POLA1: variants seen among roughly 807,000 people sequenced by gnomAD.
POLA1 encodes the protein DNA polymerase alpha 1, catalytic subunit.
A neutral mutation model predicts 124.0 loss-of-function variants in POLA1; 15 were observed. The ratio of observed to expected loss-of-function variants is 0.12; its 90% CI spans 0.08 to 0.19. The LOEUF (loss-of-function observed/expected upper bound fraction) is 0.19. Among genes scored for constraint, POLA1 ranks in the 10% least tolerant of loss-of-function variants. POLA1 has a pLI of 1.00. For missense variants in POLA1, 886 were observed against 1,103.4 expected (o/e 0.80, Z 2.79); for synonymous variants, 408 against 389.4 (o/e 1.05, Z -0.56).
intron 26 of POLA1, among the ~76,000 whole-genome samples, chrX:24,807,258 A>C (rs745804759): frequency 8.9e-6 from 1 of 112,385 alleles, no homozygotes; most frequent in East Asian, 2.8e-4. Context: ...TAAAAGGTTG[A>C]CAAACTGCTC....
chrX:24,790,933 A>ATG (rs1569312029), intron 26 of POLA1, among the ~76,000 whole-genome samples: 1 of 102,359 alleles, frequency 9.8e-6, no homozygotes, highest in African/African-American at 3.6e-5. Flanking sequence ...ATATATATAT[A>ATG]TATATATAAA....
intron 32 of POLA1, among the ~76,000 whole-genome samples, chrX:24,839,989 A>C (rs1286867543): frequency 8.9e-6 from 1 of 112,149 alleles, no homozygotes; most frequent in African/African-American, 3.2e-5. Context: ...GTATTCCCAC[A>C]TAATTCTCTA....
intron 26 of POLA1, among the ~76,000 whole-genome samples, chrX:24,769,942 C>A (rs1225072773): frequency 8.9e-6 from 1 of 111,783 alleles, no homozygotes; most frequent in African/African-American, 3.3e-5. Context: ...AAGTAAATTG[C>A]CAAGGCCTCT....
At chrX:24,961,926 C>T (rs897543779) in intron 36 of POLA1, among the ~76,000 whole-genome samples, 6 of 111,610 alleles carry the variant, frequency 5.4e-5, no homozygotes, top group African/African-American at 1.6e-4. Context: ...CCATTAAGTT[C>T]CACAGGGGAA....
At chrX:24,933,659 A>G (rs1366036810) in intron 36 of POLA1, among the ~76,000 whole-genome samples, 1 of 112,165 alleles carries the variant, frequency 8.9e-6, no homozygotes, top group Non-Finnish European at 1.9e-5. Context: ...TAAAGCCCAT[A>G]TTTTAAGGGT....
At chrX:24,941,916 G>A (rs192722241) in intron 36 of POLA1, among the ~76,000 whole-genome samples, 2 of 112,283 alleles carry the variant, frequency 1.8e-5, no homozygotes, top group East Asian at 5.6e-4. Context: ...ACACTGATGT[G>A]CTTTTCTTGT....
At chrX:24,973,218 T>C (rs1488416102) in intron 36 of POLA1, among the ~76,000 whole-genome samples, 1 of 110,777 alleles carries the variant, frequency 9.0e-6, no homozygotes, top group Admixed American at 9.6e-5. Context: ...ATTAGCTGGG[T>C]GTGGTGGCAC....
chrX:24,717,004 G>A, intron 8 of POLA1, 33 bp downstream of exon 8: 1 of 969,531 alleles, frequency 1.0e-6, no homozygotes, highest in South Asian at 2.1e-5. Context: ...TTGCAAGAGT[G>A]TTGAGTGGTT....
chrX:24,944,444 T>C (rs1272938995), intron 36 of POLA1, among the ~76,000 whole-genome samples: 1 of 111,777 alleles, frequency 8.9e-6, no homozygotes, highest in Non-Finnish European at 1.9e-5. Context: ...TGTGAAACTT[T>C]TGTGTGTTGA....
At chrX:24,739,344 A>C in intron 19 of POLA1, 31 bp from the exon 20 acceptor site, 1 of 1,099,151 alleles carries the variant, frequency 9.1e-7, no homozygotes, top group African/African-American at 1.8e-5. Flanking sequence ...CTGCTCTTTC[A>C]TGAAGTTTGC....
At chrX:24,741,558 G>T in intron 21 of POLA1, 54 bp downstream of exon 21, 1 of 1,059,436 alleles carries the variant, frequency 9.4e-7, no homozygotes, top group Non-Finnish European at 1.3e-6. Flanking sequence ...TTCAGTGTTT[G>T]CTTGGGGTAG....
At position 24,876,686 on chromosome X, in the gene POLA1, G is replaced by C. The variant is rs7892109; in HGVS notation, c.4048-11320G>C. ...TGAAAAAATTTGTCTGGGGTCGGGGGGGGGGATAGTGGTAGTGGTATGGAG... is the reference window on the plus strand; with the variant it reads ...TGAAAAAATTTGTCTGGGGTCGGGGCGGGGGATAGTGGTAGTGGTATGGAG... On this transcript the variant is annotated intron_variant, in intron 34 of 36. Transcript: ENST00000379068. Among the ~76,000 whole-genome samples, 21 of 105,024 alleles carry C rather than the reference G, an allele frequency of 2.0e-4. 1 individual carries two copies. Among genetic ancestry groups the C allele is most frequent in the Middle Eastern group, 4.8e-3 (1 of 210 alleles). 91.2% of individuals were successfully genotyped at this position (105,024 alleles called of 115,157 possible). A position where few individuals can be genotyped will look rare whatever the true frequency, so the allele number is the denominator to read the frequency against.
chrX:24,866,722 G>A (rs1215675607), intron 34 of POLA1, among the ~76,000 whole-genome samples: 1 of 111,976 alleles, frequency 8.9e-6, no homozygotes, highest in Non-Finnish European at 1.9e-5. Flanking sequence ...TCACTTTCAA[G>A]CAAAAGCACT....
At chrX:24,755,606 ATC>A (rs1469749181) in intron 26 of POLA1, among the ~76,000 whole-genome samples, 1 of 111,537 alleles carries the variant, frequency 9.0e-6, no homozygotes, top group African/African-American at 3.3e-5. Flanking sequence ...TGCTGCAGAG[ATC>A]TCTTTCAGTC....
rs139253307 is a variant in POLA1 at position 24,924,453 on chromosome X, G to C, written c.4165-6000G>C. On this transcript the variant is annotated intron_variant, in intron 35 of 36. Coordinates refer to ENST00000379068, the MANE Select transcript of POLA1 (RefSeq NM_001330360.2). ...AGTCTTCCATGGGGATATACACATA[G>C]GACACATTAGAAATCAATTCAAAGG... Among the ~76,000 whole-genome samples, 7 of 111,687 alleles carry C rather than the reference G, an allele frequency of 6.3e-5. No individual in the cohort carries two copies. In the East Asian group the frequency reaches 1.7e-3, roughly 27 times the overall value.
intron 34 of POLA1, among the ~76,000 whole-genome samples, chrX:24,873,789 AAT>A (rs1453127366): frequency 3.6e-5 from 4 of 112,171 alleles, no homozygotes; most frequent in Non-Finnish European, 5.6e-5. Context: ...CTGTATTAAT[AAT>A]ATTTAAAATT....
chrX:24,790,911 G>GTACATATATA (rs1555991305), intron 26 of POLA1, among the ~76,000 whole-genome samples: 4 of 78,276 alleles, frequency 5.1e-5, no homozygotes, highest in South Asian at 6.3e-4. Flanking sequence ...TTATGTATAT[G>GTACATATATA]TATATATATA....
chrX:24,719,216 A>C (rs1017626678), intron 10 of POLA1, among the ~76,000 whole-genome samples: 5 of 110,432 alleles, frequency 4.5e-5, no homozygotes, highest in Non-Finnish European at 9.5e-5. Flanking sequence ...CGTGTGAGTA[A>C]ATTGAAGGCC....
At chrX:24,954,183 A>T (rs1420254063) in intron 36 of POLA1, among the ~76,000 whole-genome samples, 1 of 112,443 alleles carries the variant, frequency 8.9e-6, no homozygotes, top group African/African-American at 3.2e-5. Flanking sequence ...AAAATTAAAT[A>T]TGCTTTTTAT....
Sources: gnomAD v4.1 joint callset for allele counts (sites outside exome capture counted in the v4.1 genomes callset) on GRCh38, gnomAD v4.1.1 for gene constraint, MANE v1.5 for transcripts, NCBI Gene and HGNC (gene_info 2026-07-23, HGNC 2026-07-21) for gene names.